Variants in OPHN1 observed in about 807,000 individuals in gnomAD.
OPHN1 encodes the protein oligophrenin 1.
OPHN1 carries 11 observed loss-of-function variants against 60.7 expected under a neutral mutation model. The observed-to-expected ratio is 0.18, with a 90% confidence interval of 0.11 to 0.30. The LOEUF (loss-of-function observed/expected upper bound fraction) is 0.30. Ranked by LOEUF, OPHN1 falls within the 10% of genes least tolerant of loss-of-function variation. The probability of loss-of-function intolerance (pLI) is 1.00; values close to 1 mark genes in which losing one functional copy is unlikely to be tolerated. For missense variants in OPHN1, 449 were observed against 611.0 expected (o/e 0.73, Z 2.80); for synonymous variants, 226 against 222.6 (o/e 1.02, Z -0.14).
chrX:68,189,260 A>G (rs6653251), intron 15 of OPHN1, among the ~76,000 whole-genome samples: 4,421 of 112,038 alleles, frequency 0.039, 221 homozygotes, highest in African/African-American at 0.14. Context: ...GATTATTAAG[A>G]CTATAACGAC....
At chrX:68,401,112 A>AGGC (rs2078712400) in intron 2 of OPHN1, among the ~76,000 whole-genome samples, 1 of 111,710 alleles carries the variant, frequency 9.0e-6, no homozygotes, top group Admixed American at 9.6e-5. Flanking sequence ...CACCACCTTC[A>AGGC]ACATTGGGGA....
At chrX:68,319,396 TGACGAA>T (rs1471645251) in intron 2 of OPHN1, among the ~76,000 whole-genome samples, 1 of 110,610 alleles carries the variant, frequency 9.0e-6, no homozygotes, top group Non-Finnish European at 1.9e-5. Context: ...TCCTAGGCCT[TGACGAA>T]GAGTTCTTAG....
chrX:68,340,949 C>T (rs1006530005), intron 2 of OPHN1, among the ~76,000 whole-genome samples: 4 of 104,571 alleles, frequency 3.8e-5, no homozygotes, highest in Non-Finnish European at 5.9e-5. Context: ...GAGGTTGCAG[C>T]GAGCCGAGAT....
At chrX:68,132,986 C>T in intron 15 of OPHN1, 1 of 467,920 alleles carries the variant, frequency 2.1e-6, no homozygotes, top group Non-Finnish European at 3.9e-6. Context: ...CCTCAGGCCC[C>T]CGGACGCCAA....
intron 6 of OPHN1, among the ~76,000 whole-genome samples, chrX:68,223,392 CAA>C (rs969857092): frequency 1.8e-5 from 2 of 112,225 alleles, no homozygotes; most frequent in African/African-American, 3.2e-5. Context: ...TGAAACAGAA[CAA>C]AATAATGTCT....
At chrX:68,099,695 T>C (rs925896253) in intron 18 of OPHN1, among the ~76,000 whole-genome samples, 2 of 112,492 alleles carry the variant, frequency 1.8e-5, no homozygotes, top group Admixed American at 9.4e-5. Flanking sequence ...CAACCCCAAC[T>C]GATTGCTGCC....
chrX:68,052,494 T>C, intron 23 of OPHN1, 46 bp downstream of exon 23: 1 of 1,117,286 alleles, frequency 9.0e-7, no homozygotes, highest in Non-Finnish European at 1.2e-6. Flanking sequence ...AGGATGCAGT[T>C]ATTAAAAGGC....
intron 5 of OPHN1, among the ~76,000 whole-genome samples, chrX:68,270,914 G>A (rs972228951): frequency 1.3e-4 from 14 of 111,012 alleles, no homozygotes; most frequent in Middle Eastern, 4.7e-3. Context: ...CCAAGCTACT[G>A]AGTGACCTTA....
intron 15 of OPHN1, chrX:68,133,047 C>T: frequency 6.0e-6 from 3 of 496,621 alleles, no homozygotes; most frequent in Non-Finnish European, 1.1e-5. Context: ...CAGCAGTCCG[C>T]CCCACTCGGC....
At chrX:68,254,894 T>G (rs1751817413) in intron 5 of OPHN1, among the ~76,000 whole-genome samples, 1 of 108,953 alleles carries the variant, frequency 9.2e-6, no homozygotes. Context: ...GGCATGTGCC[T>G]GCAATCTCAA....
At chrX:68,115,692 G>A (rs1299608147) in intron 16 of OPHN1, among the ~76,000 whole-genome samples, 1 of 112,029 alleles carries the variant, frequency 8.9e-6, no homozygotes, top group African/African-American at 3.2e-5. Flanking sequence ...AATGAGTTAA[G>A]AAGGAACTGG....
chrX:68,356,376 C>T (rs1008034766), intron 2 of OPHN1, among the ~76,000 whole-genome samples: 11 of 110,148 alleles, frequency 1.0e-4, no homozygotes, highest in African/African-American at 3.7e-4. Context: ...GGTATTTGGA[C>T]TTGCCAAGCC....
chrX:68,048,542 C>T, intron 23 of OPHN1, 85 bp from the exon 24 acceptor site: 1 of 855,256 alleles, frequency 1.2e-6, no homozygotes, highest in Non-Finnish European at 1.7e-6. Flanking sequence ...CACTTCTAGG[C>T]CAGTGCTAAA....
chrX:68,337,696 C>G (rs979182964), intron 2 of OPHN1, among the ~76,000 whole-genome samples: 1 of 106,235 alleles, frequency 9.4e-6, no homozygotes, highest in African/African-American at 3.4e-5. Flanking sequence ...ACAGGAGACA[C>G]ATCTCACATT....
chrX:68,172,306 T>C (rs2077395261), intron 15 of OPHN1, among the ~76,000 whole-genome samples: 1 of 112,081 alleles, frequency 8.9e-6, no homozygotes, highest in African/African-American at 3.2e-5. Context: ...CATGGGTATA[T>C]CATGGATGAT....
intron 2 of OPHN1, among the ~76,000 whole-genome samples, chrX:68,405,530 T>C (rs192567473): frequency 9.0e-6 from 1 of 111,318 alleles, no homozygotes; most frequent in Admixed American, 9.7e-5. Flanking sequence ...TTCCCTAGCT[T>C]GGCACAGCCA....
At chrX:68,387,279 T>C (rs1327352860) in intron 2 of OPHN1, among the ~76,000 whole-genome samples, 1 of 108,135 alleles carries the variant, frequency 9.2e-6, no homozygotes, top group African/African-American at 3.4e-5. Flanking sequence ...TTCCACTTTC[T>C]AAGTATATCC....
At chrX:68,330,202 C>T (rs2078287750) in intron 2 of OPHN1, among the ~76,000 whole-genome samples, 1 of 109,561 alleles carries the variant, frequency 9.1e-6, no homozygotes, top group South Asian at 4.0e-4. Flanking sequence ...TGGGTTCAAG[C>T]GATTCTCCCG....
chrX:68,165,516 T>C (rs1327229041), intron 15 of OPHN1, among the ~76,000 whole-genome samples: 3 of 111,582 alleles, frequency 2.7e-5, no homozygotes, highest in African/African-American at 9.8e-5. Flanking sequence ...CCATCTTATA[T>C]AGCGTGGTTT....
Sources: gnomAD v4.1 joint callset for allele counts (sites outside exome capture counted in the v4.1 genomes callset) on GRCh38, gnomAD v4.1.1 for gene constraint, MANE v1.5 for transcripts, NCBI Gene and HGNC (gene_info 2026-07-23, HGNC 2026-07-21) for gene names.